Variants in TAB3 observed in about 807,000 individuals in gnomAD.
The protein encoded by TAB3 is TGF-beta activated kinase 1 (MAP3K7) binding protein 3.
Under a neutral mutation model 48.1 loss-of-function variants are expected in TAB3, and 18 were observed. That is an observed-to-expected ratio of 0.37 (90% CI 0.26 to 0.55). The LOEUF (loss-of-function observed/expected upper bound fraction) is 0.55, where lower values mean the gene tolerates loss of function less well. Ranked by LOEUF, TAB3 falls within the 20% of genes least tolerant of loss-of-function variation. The probability of loss-of-function intolerance (pLI) is 0.78; values close to 1 mark genes in which losing one functional copy is unlikely to be tolerated. For missense variants in TAB3, 414 were observed against 549.8 expected (o/e 0.75, Z 2.47); for synonymous variants, 185 against 190.2 (o/e 0.97, Z 0.22).
rs1422408007 is a variant in TAB3, at chrX:30,828,517, A to AG, written c.*2909_*2910insC. ...TTCCAAACAAAGTCAATATCAATTC[A>AG]AAACATTTTACAATGCTTAAAAAGT... On this transcript the variant is annotated 3_prime_UTR_variant, in exon 11 of 11. Transcript: ENST00000288422. The AG allele has an allele frequency of 8.9e-6, 1 of 112,945 alleles. No individual in the cohort carries two copies. The highest frequency in any genetic ancestry group is 1.9e-5 in the Non-Finnish European group (1 of 53,417). 9.3% of individuals were successfully genotyped at this position (112,945 alleles called of 1,213,427 possible). A position where few individuals can be genotyped will look rare whatever the true frequency, so the allele number is the denominator to read the frequency against.
chrX:30,855,729 C>A (rs1939043691), intron 5 of TAB3, among the ~76,000 whole-genome samples, 167 bp from the exon 6 acceptor site: 1 of 111,867 alleles, frequency 8.9e-6, no homozygotes, highest in Non-Finnish European at 1.9e-5. Flanking sequence ...AAAGGAGACC[C>A]AAACGATTCA....
intron 1 of TAB3, among the ~76,000 whole-genome samples, chrX:30,887,497 A>T (rs1183605558): frequency 8.9e-6 from 1 of 112,892 alleles, no homozygotes; most frequent in African/African-American, 3.2e-5. Flanking sequence ...CAGCACAAAA[A>T]CTTACGCAGA....
rs1396812384 is a variant in TAB3, at chrX:30,852,899, G to C, written c.1589C>G (p.Ala530Gly). The stretch of plus-strand genomic sequence containing the variant: ...CTCTTTCTCAAGTTTCAGTTGCTTT[G>C]CTAACCTCTCCATCCTTGCTCGTTG... ...LHQRARMERLAKQLKLEKEEL... is the reference protein window; with the variant it reads ...LHQRARMERLGKQLKLEKEEL... The change falls in exon 7 of 11, where the codon GCA becomes GGA. Residue 530 changes from alanine to glycine, a missense_variant. Physicochemically the swap from Ala to Gly is moderately conservative, Grantham distance 60 (BLOSUM62 0). Coordinates refer to ENST00000288422, the MANE Select transcript of TAB3 (RefSeq NM_152787.5). 5.9e-5 allele frequency: 71 copies of C among 1,209,624 alleles called. No homozygotes were observed. Among genetic ancestry groups the C allele is most frequent in the Non-Finnish European group, 7.4e-5 (66 of 895,161 alleles).
chrX:30,868,334 AAGCT>A (rs1939491121), intron 2 of TAB3, among the ~76,000 whole-genome samples: 1 of 29,484 alleles, frequency 3.4e-5, no homozygotes, highest in African/African-American at 1.7e-4. Flanking sequence ...ATATATATAT[AAGCT>A]TTTATATATA....
At chrX:30,860,397 A>G (rs1045506577) in intron 4 of TAB3, among the ~76,000 whole-genome samples, 1 of 111,965 alleles carries the variant, frequency 8.9e-6, no homozygotes, top group Non-Finnish European at 1.9e-5. Context: ...ATTAGTTGCA[A>G]AGGGGAAAAA....
At chrX:30,847,277 G>C (rs1374917371) in intron 7 of TAB3, among the ~76,000 whole-genome samples, 1 of 110,132 alleles carries the variant, frequency 9.1e-6, no homozygotes, top group Non-Finnish European at 1.9e-5. Context: ...GAAGGAGGCA[G>C]TTACTCTAGC....
At chrX:30,848,978 AAAATCTTATCCTT>A (rs1352481295) in intron 7 of TAB3, among the ~76,000 whole-genome samples, 2 of 111,244 alleles carry the variant, frequency 1.8e-5, no homozygotes, top group Non-Finnish European at 3.8e-5. Flanking sequence ...TCTGCATATT[AAAATCTTATCCTT>A]CAAGGTAAAA....
At chrX:30,846,794 T>G in intron 7 of TAB3, 150 bp from the exon 8 acceptor site, 2 of 379,423 alleles carry the variant, frequency 5.3e-6, no homozygotes, top group Non-Finnish European at 9.1e-6. Flanking sequence ...AAGTCCTATG[T>G]ATATGTTTTT....
chrX:30,830,454 A>G lies in TAB3; in HGVS notation c.*973T>C, dbSNP rs1192661462. The stretch of plus-strand genomic sequence containing the variant: ...ATGAATTTATCACAAAATTGGAAGG[A>G]AAAAAAAAAGGCCCTATGGACTGCA... On this transcript the variant is annotated 3_prime_UTR_variant, in exon 11 of 11. Transcript: ENST00000288422. 1 of 106,160 alleles carries G rather than the reference A, an allele frequency of 9.4e-6. No individual in the cohort carries two copies. Among genetic ancestry groups the G allele is most frequent in the African/African-American group, 3.4e-5 (1 of 29,597 alleles). The allele number at this position is 106,160 out of a possible 1,213,427, so 8.7% of individuals were successfully genotyped here. A position where few individuals can be genotyped will look rare whatever the true frequency, so the allele number is the denominator to read the frequency against.
At chrX:30,850,848 C>A (rs868246192) in intron 7 of TAB3, among the ~76,000 whole-genome samples, 1 of 101,766 alleles carries the variant, frequency 9.8e-6, no homozygotes, top group Non-Finnish European at 2.0e-5. Context: ...CAATGAAAAA[C>A]AAAAAAAAAC....
At chrX:30,837,955 G>GC (rs1477191404) in intron 9 of TAB3, among the ~76,000 whole-genome samples, 2 of 112,289 alleles carry the variant, frequency 1.8e-5, no homozygotes, top group African/African-American at 6.5e-5. Flanking sequence ...TTGCTTTGGT[G>GC]CTTTTGTCAA....
At chrX:30,888,845 A>C (rs1569231877) in intron 1 of TAB3, among the ~76,000 whole-genome samples, 1 of 112,313 alleles carries the variant, frequency 8.9e-6, no homozygotes, top group Non-Finnish European at 1.9e-5. Flanking sequence ...GACCAAGGCC[A>C]ATCAAGTCGA....
At chrX:30,863,318 A>C (rs1939305777) in intron 4 of TAB3, among the ~76,000 whole-genome samples, 1 of 112,504 alleles carries the variant, frequency 8.9e-6, no homozygotes, top group South Asian at 3.7e-4. Context: ...AAATACTTTA[A>C]AAAAGCAACT....
intron 4 of TAB3, among the ~76,000 whole-genome samples, chrX:30,860,590 C>T (rs1386535882): frequency 1.8e-5 from 2 of 111,175 alleles, no homozygotes; most frequent in Non-Finnish European, 3.8e-5. Context: ...GGAAATAGAA[C>T]ATTTCTCATT....
In TAB3 at chrX:30,848,512, ACT is replaced by A. The variant is rs748705683; in HGVS notation, c.1711-1870_1711-1869del. 4.9e-4 allele frequency among the ~76,000 whole-genome samples: 54 copies of A among 111,143 alleles called. 1 individual carries two copies. In the South Asian group the frequency reaches 0.02, roughly 41 times the overall value. ...ACTCCAGCCTGAGCAACAGAGTGAG[ACT>A]CTGTCTCAGAAACAACAAACATACT... is the stretch of plus-strand genomic sequence containing the variant. On this transcript the variant is annotated intron_variant, in intron 7 of 10. Transcript: ENST00000288422.
intron 4 of TAB3, among the ~76,000 whole-genome samples, chrX:30,866,404 T>C (rs1939404281): frequency 9.0e-6 from 1 of 110,583 alleles, no homozygotes; most frequent in African/African-American, 3.3e-5. Flanking sequence ...CATTCTCTCT[T>C]TAATAAAGGG....
chrX:30,886,713 G>C (rs1319740772), intron 1 of TAB3, among the ~76,000 whole-genome samples: 2 of 112,801 alleles, frequency 1.8e-5, no homozygotes, highest in East Asian at 5.5e-4. Flanking sequence ...AAGTGACTTG[G>C]TGGAGGATGA....
intron 4 of TAB3, among the ~76,000 whole-genome samples, chrX:30,861,902 C>T (rs1939262381): frequency 8.9e-6 from 1 of 112,248 alleles, no homozygotes; most frequent in South Asian, 3.6e-4. Flanking sequence ...TCTTTGAAAT[C>T]CAGTGTATAT....
At chrX:30,851,936 C>A (rs1363712920) in intron 7 of TAB3, among the ~76,000 whole-genome samples, 1 of 112,232 alleles carries the variant, frequency 8.9e-6, no homozygotes, top group African/African-American at 3.2e-5. Flanking sequence ...TGTATAAATT[C>A]TCTCATTACC....
Sources: allele counts gnomAD v4.1 joint callset (sites outside exome capture counted in the v4.1 genomes callset), GRCh38; gene constraint gnomAD v4.1.1; transcripts MANE v1.5; gene names NCBI Gene and HGNC (gene_info 2026-07-23, HGNC 2026-07-21).